Variants in C6orf120 observed in about 807,000 individuals in gnomAD.
The protein encoded by C6orf120 is UPF0669 protein C6orf120.
For synonymous variants in C6orf120, 165 were observed against 123.1 expected (o/e 1.34, Z -2.25); for missense variants, 311 against 264.2 (o/e 1.18, Z -1.23).
chr6:169,703,139 T>A, exon 1 of C6orf120: 1 of 1,218,682 alleles, frequency 8.2e-7, no homozygotes, highest in Non-Finnish European at 1.1e-6. Context: ...TAGGTACCTT[T>A]AGTCAAGGGA....
chr6:169,705,403 G>A, downstream of C6orf120: 2 of 950,702 alleles, frequency 2.1e-6, no homozygotes, highest in Non-Finnish European at 3.2e-6. Flanking sequence ...TTTGCTTTAG[G>A]ACTTCCAGAG....
At chr6:169,705,115 T>C (rs1788733956), downstream of C6orf120, 2 of 1,571,010 alleles carry the variant, frequency 1.3e-6, no homozygotes, top group African/African-American at 1.4e-5. Context: ...TAATGTTTGC[T>C]CTTTTTTTAA....
chr6:169,702,719 C>T, exon 1 of C6orf120: 1 of 1,613,574 alleles, frequency 6.2e-7, no homozygotes, highest in Non-Finnish European at 8.5e-7. Context: ...AGCCTGCACC[C>T]CAGCTTCGAC....
exon 1 of C6orf120, chr6:169,703,199 T>G: frequency 1.5e-6 from 1 of 688,884 alleles, no homozygotes. Context: ...ACCCCAAAAA[T>G]AGGAAAAGCA....
At chr6:169,702,292 C>A (rs965421468) in exon 1 of C6orf120, 14 of 671,590 alleles carry the variant, frequency 2.1e-5, no homozygotes, top group Non-Finnish European at 3.8e-5. Context: ...CACCCCTCCT[C>A]CCCGGGGCCT....
At chr6:169,706,337 TAAA>T (rs1423247836), downstream of C6orf120, among the ~76,000 whole-genome samples, 3 of 152,016 alleles carry the variant, frequency 2.0e-5, no homozygotes, top group Admixed American at 6.6e-5. Flanking sequence ...GCATGTCTAA[TAAA>T]AGAATCTATA....
exon 1 of C6orf120, chr6:169,703,186 G>C (rs1788529405): frequency 1.3e-6 from 1 of 756,156 alleles, no homozygotes; most frequent in South Asian, 1.9e-5. Context: ...TGTTACCTCA[G>C]TTACCCCAAA....
downstream of C6orf120, chr6:169,705,030 G>T (rs1467084225): frequency 1.3e-5 from 10 of 793,812 alleles, no homozygotes; most frequent in Non-Finnish European, 1.8e-5. Flanking sequence ...GCACATAAGA[G>T]TCCACAAGCT....
At chr6:169,704,178 C>A (rs117299617) in exon 1 of C6orf120, 1 of 880,478 alleles carries the variant, frequency 1.1e-6, no homozygotes, top group Non-Finnish European at 1.7e-6. Flanking sequence ...TTAGCTATCA[C>A]TAATGATATT....
At chr6:169,704,238 G>A (rs995578186) in exon 1 of C6orf120, 1 of 557,362 alleles carries the variant, frequency 1.8e-6, no homozygotes, top group Non-Finnish European at 3.1e-6. Context: ...CTTAATTTAA[G>A]GAAAAAATGT....
At chr6:169,704,172 C>G in exon 1 of C6orf120, 4 of 960,722 alleles carry the variant, frequency 4.2e-6, no homozygotes, top group Non-Finnish European at 6.0e-6. Context: ...TCTGCCTTAG[C>G]TATCACTAAT....
Position 169,702,684 on chromosome 6 carries a change from T to TGCGG in C6orf120, c.226_229dup (p.Asp77GlyfsTer106). The TGCGG allele has an allele frequency of 6.2e-7, 1 of 1,613,500 alleles. No individual in the cohort carries two copies. The highest frequency in any genetic ancestry group is 8.5e-7 in the Non-Finnish European group (1 of 1,180,006). On this transcript the variant is annotated frameshift_variant, in exon 1 of 1. Transcript: ENST00000332290. LOFTEE classifies it low-confidence loss of function (END_TRUNC). ...TCAGGATGCGCAGCCTCAAGGGAGA[T>TGCGG]GCGGATCTGTACGTCTCCGCCAGCA...
exon 1 of C6orf120, chr6:169,702,969 G>A (rs566248910): frequency 6.2e-7 from 1 of 1,603,892 alleles, no homozygotes; most frequent in East Asian, 2.2e-5. Flanking sequence ...CCTCGCAAGA[G>A]GAGGAATCTG....
chr6:169,705,159 C>A (rs759442715), downstream of C6orf120: 1 of 1,610,170 alleles, frequency 6.2e-7, no homozygotes, highest in East Asian at 2.2e-5. Context: ...AAGGCCCACA[C>A]AAAAAGTATG....
chr6:169,703,909 CAA>C (rs944797724), exon 1 of C6orf120: 3 of 1,038,160 alleles, frequency 2.9e-6, no homozygotes, highest in Non-Finnish European at 4.2e-6. Flanking sequence ...TCATAATTTG[CAA>C]AAAAAATCTT....
chr6:169,702,688 G>A (rs751943509), exon 1 of C6orf120: 5 of 1,613,374 alleles, frequency 3.1e-6, no homozygotes, highest in East Asian at 2.2e-5. Context: ...GGGAGATGCG[G>A]ATCTGTACGT....
At position 169,703,069 on chromosome 6, in the gene C6orf120, C is replaced by CAT. The variant is rs532465504; in HGVS notation, c.*35_*36dup. On this transcript the variant is annotated 3_prime_UTR_variant, in exon 1 of 1. Coordinates refer to ENST00000332290, the Ensembl canonical transcript of C6orf120. ...CCACACTCTGGGATATAAAACCCTC[C>CAT]ATCTGTGAAGCTGATTGCAGTTTGC... 401 of 1,528,858 alleles carry CAT rather than the reference C, an allele frequency of 2.6e-4. 2 individuals carry two copies. The East Asian group carries it at 8.9e-3, about 34-fold the overall frequency. The allele number at this position is 1,528,858 out of a possible 1,614,324, so 94.7% of individuals were successfully genotyped here.
upstream of C6orf120, chr6:169,702,182 C>G (rs1294312518): frequency 1.5e-6 from 1 of 661,534 alleles, no homozygotes; most frequent in South Asian, 1.5e-5. Flanking sequence ...GCGCGGCCCC[C>G]TGCGGGGAGT....
downstream of C6orf120, among the ~76,000 whole-genome samples, chr6:169,706,104 A>AT (rs1341873128): frequency 6.6e-6 from 1 of 152,228 alleles, no homozygotes. Flanking sequence ...TAAAAAGACC[A>AT]TTTTAAATAG....
Sources: gnomAD v4.1 joint callset for allele counts (sites outside exome capture counted in the v4.1 genomes callset) on GRCh38, gnomAD v4.1.1 for gene constraint, MANE v1.5 for transcripts, NCBI Gene and HGNC (gene_info 2026-07-23, HGNC 2026-07-21) for gene names.